The following ZFAT variants were observed in gnomAD, a reference collection of about 807,000 sequenced individuals.
ZFAT encodes zinc finger and AT-hook domain containing.
ZFAT carries 64 observed loss-of-function variants against 117.7 expected under a neutral mutation model. That is an observed-to-expected ratio of 0.54 (90% CI 0.44 to 0.67). ZFAT has a LOEUF of 0.67. Ranked by LOEUF, ZFAT falls within the 30% of genes least tolerant of loss-of-function variation. ZFAT has a pLI of 0.00. For synonymous variants in ZFAT, 679 were observed against 615.0 expected (o/e 1.10, Z -1.54); for missense variants, 1,433 against 1,584.5 (o/e 0.90, Z 1.62).
At chr8:134,700,303 C>T (rs1833975579) in intron 1 of ZFAT, among the ~76,000 whole-genome samples, 1 of 152,178 alleles carries the variant, frequency 6.6e-6, no homozygotes, top group Non-Finnish European at 1.5e-5. Context: ...TTTCCCAGAG[C>T]CCACATTTCT....
the ZFAT span, among the ~76,000 whole-genome samples, chr8:134,828,859 G>C: frequency 2.0e-5 from 3 of 152,164 alleles, no homozygotes; most frequent in Non-Finnish European, 4.4e-5. Context: ...GACTCAAACA[G>C]AATTACAGCT....
At chr8:134,531,372 T>C (rs111586849) in intron 12 of ZFAT, among the ~76,000 whole-genome samples, 270 of 152,336 alleles carry the variant, frequency 1.8e-3, no homozygotes, top group African/African-American at 6.3e-3. Context: ...GCCAATCTAT[T>C]CTCCCCTCTG....
At chr8:134,714,509 A>G (rs1814172289), upstream of ZFAT, among the ~76,000 whole-genome samples, 1 of 152,184 alleles carries the variant, frequency 6.6e-6, no homozygotes. Context: ...ATTGAGCTTC[A>G]GGATGACTCA....
Position 134,602,575 on chromosome 8 carries a change from T to C in ZFAT, c.1144A>G (p.Lys382Glu), listed in dbSNP as rs549482887. The change falls in exon 6 of 16, where the codon AAG becomes GAG. Residue 382 changes from lysine to glutamate, a missense_variant. Lys to Glu is a moderately conservative substitution (Grantham distance 56, BLOSUM62 1). Coordinates refer to ENST00000377838, the MANE Select transcript of ZFAT (RefSeq NM_020863.4). The stretch of plus-strand genomic sequence containing the variant: ...TCGTCCAAGGCCTCTTTGACCTTCT[T>C]GTCCTGTGGGTCATGCGCGTCTCGG... ...HIRDAHDPQDKKVKEALDELC... is the reference protein window; with the variant it reads ...HIRDAHDPQDEKVKEALDELC... The C allele has an allele frequency of 5.2e-5, 84 of 1,614,004 alleles. No homozygotes were observed. The East Asian group carries it at 1.8e-3, about 34-fold the overall frequency.
chr8:134,824,991 A>G, the ZFAT span, among the ~76,000 whole-genome samples: 1 of 152,218 alleles, frequency 6.6e-6, no homozygotes, highest in Non-Finnish European at 1.5e-5. Context: ...AATTTTCCTA[A>G]CAATGACCTT....
intron 1 of ZFAT, among the ~76,000 whole-genome samples, chr8:134,682,471 A>G (rs899755412): frequency 6.6e-6 from 1 of 152,114 alleles, no homozygotes; most frequent in Non-Finnish European, 1.5e-5. Flanking sequence ...CCTAAGGGAC[A>G]TGGCGAAACC....
chr8:134,570,105 C>T (rs556079214), intron 10 of ZFAT, among the ~76,000 whole-genome samples: 41 of 152,236 alleles, frequency 2.7e-4, no homozygotes, highest in African/African-American at 9.6e-4. Flanking sequence ...ACACAGTCCA[C>T]GCACCTACCT....
intron 12 of ZFAT, among the ~76,000 whole-genome samples, chr8:134,526,660 T>C (rs562775219): frequency 2.6e-5 from 4 of 152,344 alleles, no homozygotes; most frequent in African/African-American, 9.6e-5. Flanking sequence ...TGCTTGACGT[T>C]ATTGAAAATT....
intron 15 of ZFAT, among the ~76,000 whole-genome samples, chr8:134,509,295 A>C (rs1168837610): frequency 6.6e-6 from 1 of 152,162 alleles, no homozygotes; most frequent in African/African-American, 2.4e-5. Flanking sequence ...AGGCACTGAG[A>C]GCTGTTTTCA....
rs116310247 is a variant in ZFAT at position 134,581,671 on chromosome 8, C to T, written c.2887+2161G>A. ...TGCGATCTTGGCTCACTGCAACTTC[C>T]GCCTCCAGTCTCAAGCAATCCTCCC... On this transcript the variant is annotated intron_variant, in intron 10 of 15. Transcript: ENST00000377838. 7.4e-3 allele frequency among the ~76,000 whole-genome samples: 1,123 copies of T among 152,202 alleles called. 20 individuals carry two copies. Among genetic ancestry groups the T allele is most frequent in the African/African-American group, 0.026 (1,062 of 41,512 alleles).
chr8:134,734,609 G>A, the ZFAT span, among the ~76,000 whole-genome samples: 1 of 152,204 alleles, frequency 6.6e-6, no homozygotes, highest in Admixed American at 6.5e-5. Context: ...GGATGCCAGG[G>A]GAGCACTGGA....
At chr8:134,637,234 A>T (rs889509819) in intron 3 of ZFAT, among the ~76,000 whole-genome samples, 12 of 152,268 alleles carry the variant, frequency 7.9e-5, no homozygotes, top group African/African-American at 1.9e-4. Flanking sequence ...CTAGCAAAGC[A>T]GTCCCCTGAC....
At chr8:134,529,919 C>T (rs372155927) in intron 12 of ZFAT, among the ~76,000 whole-genome samples, 1 of 152,188 alleles carries the variant, frequency 6.6e-6, no homozygotes, top group Non-Finnish European at 1.5e-5. Flanking sequence ...TGCCATAGTA[C>T]CTTCCCTTAG....
At chr8:134,813,832 ACACACACG>A in the ZFAT span, among the ~76,000 whole-genome samples, 1 of 145,962 alleles carries the variant, frequency 6.9e-6, no homozygotes, top group African/African-American at 2.6e-5. Flanking sequence ...ACACACACAC[ACACACACG>A]TCAAAGATAC....
chr8:134,511,319 C>T (rs1338220798), intron 14 of ZFAT, among the ~76,000 whole-genome samples: 3 of 152,072 alleles, frequency 2.0e-5, no homozygotes, highest in Non-Finnish European at 4.4e-5. Context: ...TGAGCAATCA[C>T]TGATGTCACT....
In ZFAT at chr8:134,601,503, T is replaced by A. The variant is rs750594725; in HGVS notation, c.2216A>T (p.Tyr739Phe). 1.9e-6 allele frequency: 3 copies of A among 1,613,634 alleles called. No individual in the cohort carries two copies. The highest frequency in any genetic ancestry group is 2.2e-5 in the East Asian group (1 of 44,880). ...ACAGTATTCACACTCCAGGTCTCCA[T>A]AAACCTTCCGGATCCGCTCACACAA... ...TSLCERIRKV[Y>F]GDLECEYCGK... is the part of the protein sequence containing the mutation. The change falls in exon 6 of 16, where the codon TAT becomes TTT. Residue 739 changes from tyrosine to phenylalanine, a missense_variant. Physicochemically the swap from Tyr to Phe is conservative, Grantham distance 22. Transcript: ENST00000377838.
At chr8:134,712,820 C>CA in intron 1 of ZFAT, 25 bp downstream of exon 1, 3 of 868,872 alleles carry the variant, frequency 3.5e-6, no homozygotes, top group South Asian at 1.5e-5. Context: ...CACCCCGTCT[C>CA]ACCCCAACCC....
chr8:134,507,598 A>C (rs1243732531), intron 15 of ZFAT, among the ~76,000 whole-genome samples: 2 of 152,188 alleles, frequency 1.3e-5, no homozygotes, highest in Non-Finnish European at 1.5e-5. Flanking sequence ...GCTTGTCGAC[A>C]CTGGTCGTTC....
chr8:134,791,556 T>C, the ZFAT span, among the ~76,000 whole-genome samples: 292 of 152,294 alleles, frequency 1.9e-3, 3 homozygotes, highest in African/African-American at 6.7e-3. Flanking sequence ...TTGTTTTCTA[T>C]GACATCTCTG....
Sources: gnomAD v4.1 joint callset for allele counts (sites outside exome capture counted in the v4.1 genomes callset) on GRCh38, gnomAD v4.1.1 for gene constraint, MANE v1.5 for transcripts, NCBI Gene and HGNC (gene_info 2026-07-23, HGNC 2026-07-21) for gene names.